The following MALRD1 variants were observed in gnomAD, a reference collection of about 807,000 sequenced individuals.
MALRD1 encodes the protein MAM and LDL-receptor class A domain-containing protein 1.
Under a neutral mutation model 242.1 loss-of-function variants are expected in MALRD1, and 247 were observed. The observed-to-expected ratio is 1.02, with a 90% CI of 0.92 to 1.13. MALRD1 has a LOEUF of 1.13. Among genes scored for constraint, MALRD1 ranks in the 50% most tolerant of loss-of-function variants. The pLI, the probability that MALRD1 is intolerant of heterozygous loss-of-function variation, is 0.00. For missense variants in MALRD1, 2,989 were observed against 2,533.1 expected, an observed-to-expected ratio of 1.18 and a Z score of -3.86; for synonymous variants, 995 against 866.6, an observed-to-expected ratio of 1.15 and a Z score of -2.60.
At chr10:19,213,787 C>A (rs760617422) in intron 18 of MALRD1, among the ~76,000 whole-genome samples, 1 of 152,064 alleles carries the variant, frequency 6.6e-6, no homozygotes, top group Non-Finnish European at 1.5e-5. Context: ...TATAAATATT[C>A]TTGATCTTTG....
chr10:19,335,902 C>G (rs1045911490), intron 24 of MALRD1, among the ~76,000 whole-genome samples: 3 of 151,814 alleles, frequency 2.0e-5, no homozygotes, highest in African/African-American at 7.3e-5. Flanking sequence ...TTTGCTGCAC[C>G]CATCAACCCG....
At chr10:19,264,022 G>A (rs936005898) in intron 19 of MALRD1, among the ~76,000 whole-genome samples, 2 of 152,054 alleles carry the variant, frequency 1.3e-5, no homozygotes, top group African/African-American at 4.8e-5. Context: ...TTAACTTTGG[G>A]CTTGTACAGG....
chr10:19,727,193 G>T (rs963062410), intron 38 of MALRD1, among the ~76,000 whole-genome samples: 4 of 152,150 alleles, frequency 2.6e-5, no homozygotes, highest in Admixed American at 2.6e-4. Context: ...TATGGCATGT[G>T]ATTTATAGCT....
chr10:19,602,154 C>CTTT (rs35031620), intron 34 of MALRD1, among the ~76,000 whole-genome samples: 1 of 104,930 alleles, frequency 9.5e-6, no homozygotes, highest in Non-Finnish European at 1.9e-5. Context: ...TGCCAATTTT[C>CTTT]TTTTTTTTTT....
chr10:19,173,159 A>G (rs1233610831), intron 13 of MALRD1, among the ~76,000 whole-genome samples: 1 of 152,076 alleles, frequency 6.6e-6, no homozygotes, highest in African/African-American at 2.4e-5. Context: ...TTTACTTAAT[A>G]TGTATAAATG....
intron 5 of MALRD1, among the ~76,000 whole-genome samples, chr10:19,121,170 G>A (rs73591919): frequency 0.073 from 10,829 of 149,346 alleles, 455 homozygotes; most frequent in South Asian, 0.13. Flanking sequence ...CAGATTTCCT[G>A]GCTGGGATTA....
intron 28 of MALRD1, among the ~76,000 whole-genome samples, chr10:19,442,850 G>C (rs1409553753): frequency 6.6e-6 from 1 of 152,160 alleles, no homozygotes; most frequent in Non-Finnish European, 1.5e-5. Flanking sequence ...AGTTAGGGAG[G>C]ATTCCCTCTT....
chr10:19,668,777 A>G (rs560444853), intron 36 of MALRD1, among the ~76,000 whole-genome samples: 59 of 152,266 alleles, frequency 3.9e-4, no homozygotes, highest in African/African-American at 1.3e-3. Context: ...TCTCCTCCAA[A>G]AAAAGAGTAT....
chr10:19,311,234 A>G (rs2131989964), intron 21 of MALRD1, among the ~76,000 whole-genome samples: 1 of 151,536 alleles, frequency 6.6e-6, no homozygotes, highest in Non-Finnish European at 1.5e-5. Flanking sequence ...TCATGCACAG[A>G]TATGTTACTT....
intron 2 of MALRD1, among the ~76,000 whole-genome samples, chr10:19,076,921 A>G (rs1590395318): frequency 6.6e-6 from 1 of 151,944 alleles, no homozygotes; most frequent in Non-Finnish European, 1.5e-5. Flanking sequence ...TTTCCAGGCT[A>G]TCATGCATCA....
intron 26 of MALRD1, among the ~76,000 whole-genome samples, chr10:19,384,975 G>A (rs1020554414): frequency 1.3e-5 from 2 of 151,508 alleles, no homozygotes; most frequent in Non-Finnish European, 3.0e-5. Flanking sequence ...ATTATGAAAT[G>A]GTGTTGAATT....
intron 14 of MALRD1, among the ~76,000 whole-genome samples, chr10:19,198,386 T>C (rs1334010295): frequency 1.3e-5 from 2 of 152,196 alleles, no homozygotes; most frequent in Non-Finnish European, 2.9e-5. Context: ...GAAGCAGGCT[T>C]GTATCACCGC....
At chr10:19,530,418 A>ATTAT (rs1200557957) in intron 31 of MALRD1, among the ~76,000 whole-genome samples, 864 of 83,540 alleles carry the variant, frequency 0.01, 72 homozygotes, top group Middle Eastern at 0.043. Flanking sequence ...TTTATATAAT[A>ATTAT]ATAAATATAT....
chr10:19,264,963 T>A (rs1839914802), intron 19 of MALRD1, among the ~76,000 whole-genome samples: 1 of 152,214 alleles, frequency 6.6e-6, no homozygotes. Flanking sequence ...TATTTCTCGT[T>A]GATTCCATCT....
intron 11 of MALRD1, among the ~76,000 whole-genome samples, chr10:19,152,414 A>C (rs982269497): frequency 6.6e-6 from 1 of 152,208 alleles, no homozygotes; most frequent in African/African-American, 2.4e-5. Context: ...TAGCTTCCAA[A>C]TCAATGGTCA....
chr10:19,158,788 G>C (rs774136820), intron 12 of MALRD1, among the ~76,000 whole-genome samples: 3 of 152,182 alleles, frequency 2.0e-5, no homozygotes, highest in Non-Finnish European at 4.4e-5. Flanking sequence ...AGCTACAAGA[G>C]GGTGAGTCCA....
chr10:19,361,375 C>T (rs1844890073), intron 26 of MALRD1, among the ~76,000 whole-genome samples: 1 of 152,114 alleles, frequency 6.6e-6, no homozygotes. Context: ...CAGCAAAGAA[C>T]ATGGTAGAAG....
At chr10:19,412,180 A>G (rs572315182) in intron 28 of MALRD1, among the ~76,000 whole-genome samples, 22 of 152,220 alleles carry the variant, frequency 1.4e-4, no homozygotes, top group Middle Eastern at 3.4e-3. Flanking sequence ...AATCCCAGCT[A>G]CTCGGGAGGC....
chr10:19,150,529 T>G (rs1833909235), intron 11 of MALRD1, among the ~76,000 whole-genome samples: 1 of 152,142 alleles, frequency 6.6e-6, no homozygotes, highest in South Asian at 2.1e-4. Flanking sequence ...CTGTTTCAAC[T>G]TGAGGAGACT....
Sources: gnomAD v4.1 joint callset for allele counts (sites outside exome capture counted in the v4.1 genomes callset) on GRCh38, gnomAD v4.1.1 for gene constraint, MANE v1.5 for transcripts, NCBI Gene and HGNC (gene_info 2026-07-23, HGNC 2026-07-21) for gene names.